GABRA2: variants seen among roughly 807,000 people sequenced by gnomAD.
GABRA2 encodes gamma-aminobutyric acid receptor subunit alpha-2.
GABRA2 carries 16 observed loss-of-function variants against 48.7 expected under a neutral mutation model. The observed-to-expected ratio is 0.33, with a 90% CI of 0.22 to 0.50. The LOEUF is 0.50. Among genes scored for constraint, GABRA2 ranks in the 20% least tolerant of loss-of-function variants. The pLI, the probability that GABRA2 is intolerant of heterozygous loss-of-function variation, is 0.98. For missense variants in GABRA2, 275 were observed against 535.6 expected, an observed-to-expected ratio of 0.51 and a Z score of 4.80; for synonymous variants, 185 against 184.5, an observed-to-expected ratio of 1.00 and a Z score of -0.02.
In GABRA2 at chr4:46,305,585, G is replaced by A. The variant is rs2109642996; in HGVS notation, c.686C>T (p.Thr229Ile). The A allele has an allele frequency of 6.2e-7, 1 of 1,613,652 alleles. No homozygotes were observed. ...DLLGQSIGKE[T>I]IKSSTGEYTV... ...TTACTAACCTGTACTGGATTTAATT[G>A]TCTCCTTTCCGATTGATTGGCCCAG... is the stretch of plus-strand genomic sequence containing the variant. The change falls in exon 7 of 10, where the codon ACA becomes ATA. Residue 229 changes from threonine to isoleucine, a missense_variant. Thr to Ile is a moderately conservative substitution (Grantham distance 89). Around this residue, in one of 4 missense-constraint regions of GABRA2, gnomAD observed 113 missense variants for 257.1 expected, o/e 0.44. Coordinates refer to ENST00000381620, the MANE Select transcript of GABRA2 (RefSeq NM_000807.4).
intron 8 of GABRA2, among the ~76,000 whole-genome samples, chr4:46,280,414 G>GAAAGAGCA (rs1721304050): frequency 6.6e-6 from 1 of 152,114 alleles, no homozygotes; most frequent in South Asian, 2.1e-4. Context: ...GGATGTTAGG[G>GAAAGAGCA]AAAGAGCAAG....
rs890961186 is a variant in GABRA2 at position 46,247,481 on chromosome 4, G to T, written c.*2827C>A. ...CCAATTACAGGGCATGGCACAGGAG[G>T]TAAAAAATATTTTTGAATAAATATT... On this transcript the variant is annotated 3_prime_UTR_variant, in exon 10 of 10. Coordinates refer to ENST00000381620, the MANE Select transcript of GABRA2 (RefSeq NM_000807.4). 6.6e-6 allele frequency among the ~76,000 whole-genome samples: 1 copy of T among 151,016 alleles called. No homozygotes were observed. Among genetic ancestry groups the T allele is most frequent in the Non-Finnish European group, 1.5e-5 (1 of 67,402 alleles).
At chr4:46,351,235 A>G (rs1735076229) in intron 3 of GABRA2, among the ~76,000 whole-genome samples, 1 of 151,982 alleles carries the variant, frequency 6.6e-6, no homozygotes, top group Admixed American at 6.6e-5. Flanking sequence ...TAGATGCAGC[A>G]TAGGGTTTGG....
At chr4:46,348,109 G>A (rs1734461016) in intron 3 of GABRA2, among the ~76,000 whole-genome samples, 1 of 152,160 alleles carries the variant, frequency 6.6e-6, no homozygotes, top group East Asian at 1.9e-4. Flanking sequence ...CAAAAAATGG[G>A]TGAAGGATAT....
intron 3 of GABRA2, chr4:46,365,776 C>T (rs1713942126): frequency 6.6e-6 from 1 of 151,996 alleles, no homozygotes; most frequent in Non-Finnish European, 1.5e-5. Flanking sequence ...CTGATCTTTT[C>T]CAAAGTACAC....
At chr4:46,330,086 T>TA (rs1442131683) in intron 4 of GABRA2, among the ~76,000 whole-genome samples, 1 of 152,088 alleles carries the variant, frequency 6.6e-6, no homozygotes, top group African/African-American at 2.4e-5. Flanking sequence ...AAAAGAAAAC[T>TA]AAAAAATCAA....
intron 8 of GABRA2, among the ~76,000 whole-genome samples, chr4:46,273,484 CATATATATATATATATGCA>C (rs1719802477): frequency 5.3e-5 from 1 of 18,908 alleles, no homozygotes. Context: ...TATATATATG[CATATATATATATATATGCA>C]TATATATATA....
At chr4:46,286,586 T>C (rs1476188124) in intron 8 of GABRA2, among the ~76,000 whole-genome samples, 1 of 152,128 alleles carries the variant, frequency 6.6e-6, no homozygotes, top group Non-Finnish European at 1.5e-5. Context: ...GATTCCTATT[T>C]TTCTACAACC....
At chr4:46,305,224 G>A (rs1485892221) in intron 7 of GABRA2, among the ~76,000 whole-genome samples, 1 of 134,788 alleles carries the variant, frequency 7.4e-6, no homozygotes, top group Non-Finnish European at 1.6e-5. Flanking sequence ...GAGAACACAT[G>A]GACACAGGAA....
At chr4:46,309,271 G>T (rs1727222449) in intron 6 of GABRA2, among the ~76,000 whole-genome samples, 1 of 152,034 alleles carries the variant, frequency 6.6e-6, no homozygotes. Context: ...GTTTTCTTTT[G>T]CTTGATACAG....
intron 9 of GABRA2, among the ~76,000 whole-genome samples, chr4:46,254,445 A>C (rs2109394934): frequency 6.6e-6 from 1 of 151,628 alleles, no homozygotes; most frequent in South Asian, 2.1e-4. Context: ...GAAAACTAGA[A>C]AAGTTCGGAT....
chr4:46,305,372 C>T (rs1726496259), intron 7 of GABRA2, among the ~76,000 whole-genome samples, 196 bp downstream of exon 7: 1 of 151,072 alleles, frequency 6.6e-6, no homozygotes, highest in African/African-American at 2.4e-5. Context: ...ATGTAACTAA[C>T]CTGCGCATTG....
In GABRA2 at chr4:46,244,851, G is replaced by A. The variant is rs1713417755; in HGVS notation, c.*5457C>T. ...GTAAATAGCTAGCATCACAAAAACG[G>A]GTATTGCTTACTGTACAGTACAGTT... On this transcript the variant is annotated 3_prime_UTR_variant, in exon 10 of 10. Transcript: ENST00000381620. Among the ~76,000 whole-genome samples the A allele has an allele frequency of 6.6e-6, 1 of 151,182 alleles. No individual in the cohort carries two copies. Among genetic ancestry groups the A allele is most frequent in the African/African-American group, 2.4e-5 (1 of 41,326 alleles).
At chr4:46,276,848 G>A (rs1184597210) in intron 8 of GABRA2, among the ~76,000 whole-genome samples, 1 of 151,962 alleles carries the variant, frequency 6.6e-6, no homozygotes, top group African/African-American at 2.4e-5. Flanking sequence ...GTGTCTAACA[G>A]AGTATATGGA....
intron 8 of GABRA2, among the ~76,000 whole-genome samples, chr4:46,294,788 G>A (rs1724332294): frequency 6.6e-6 from 1 of 152,086 alleles, no homozygotes; most frequent in Admixed American, 6.5e-5. Flanking sequence ...ACTGGGCTTT[G>A]GTAGAACATG....
rs934148505 is a variant in GABRA2, at chr4:46,245,967, T to C, written c.*4341A>G. ...GATGGAAGACACAGTGGTCTAGATATGTTGATAATTAAGAATTTTAGCAAA... is the reference window on the plus strand; with the variant it reads ...GATGGAAGACACAGTGGTCTAGATACGTTGATAATTAAGAATTTTAGCAAA... On this transcript the variant is annotated 3_prime_UTR_variant, in exon 10 of 10. Transcript: ENST00000381620. Among the ~76,000 whole-genome samples the C allele has an allele frequency of 1.3e-5, 2 of 151,184 alleles. No homozygotes were observed. The highest frequency in any genetic ancestry group is 2.1e-4 in the South Asian group (1 of 4,822).
At chr4:46,370,731 C>G (rs1282317501) in intron 3 of GABRA2, among the ~76,000 whole-genome samples, 1 of 152,084 alleles carries the variant, frequency 6.6e-6, no homozygotes, top group Non-Finnish European at 1.5e-5. Flanking sequence ...ACCAAAGCAG[C>G]CTTTGTGTCC....
At chr4:46,256,089 G>T (rs757492459) in intron 9 of GABRA2, 1 of 435,734 alleles carries the variant, frequency 2.3e-6, no homozygotes, top group Middle Eastern at 5.6e-4. Flanking sequence ...AGTTATTGTG[G>T]CTACTAGAAA....
In GABRA2 at chr4:46,250,303, T is replaced by A. The variant is rs749197215; in HGVS notation, c.*5A>T. On this transcript the variant is annotated 3_prime_UTR_variant, in exon 10 of 10. Coordinates refer to ENST00000381620, the MANE Select transcript of GABRA2 (RefSeq NM_000807.4). ...ATACATCCCAAAGATAACATGGGTC[T>A]CAATTCAAGGACTGACCCCTAATAC... 1 of 1,603,560 alleles carries A rather than the reference T, an allele frequency of 6.2e-7. No homozygotes were observed. Among genetic ancestry groups the A allele is most frequent in the Non-Finnish European group, 8.5e-7 (1 of 1,174,344 alleles).
Sources: gnomAD v4.1 joint callset for allele counts (sites outside exome capture counted in the v4.1 genomes callset) on GRCh38, gnomAD v4.1.1 for gene constraint, gnomAD v4.1.1 regional missense constraint, MANE v1.5 for transcripts, NCBI Gene and HGNC (gene_info 2026-07-23, HGNC 2026-07-21) for gene names.